The following NDUFAF6 variants were observed in gnomAD, a reference collection of about 807,000 sequenced individuals.
The protein encoded by NDUFAF6 is NADH dehydrogenase (ubiquinone) complex I, assembly factor 6.
In NDUFAF6, 45 loss-of-function variants were observed where a neutral mutation model predicts 40.8. The observed-to-expected ratio is 1.10, with a 90% CI of 0.87 to 1.42. The LOEUF (loss-of-function observed/expected upper bound fraction) is 1.42. NDUFAF6 is among the 40% of genes most tolerant of loss of function. The pLI is 0.00. For synonymous variants in NDUFAF6, 185 were observed against 155.9 expected, an observed-to-expected ratio of 1.19 and a Z score of -1.39; for missense variants, 435 against 418.5, an observed-to-expected ratio of 1.04 and a Z score of -0.34.
intron 2 of NDUFAF6, among the ~76,000 whole-genome samples, chr8:95,004,833 C>T (rs1245902760): frequency 6.6e-5 from 10 of 152,122 alleles, no homozygotes; most frequent in Admixed American, 6.5e-5. Context: ...CCACATGATC[C>T]ATCTGTTCTG....
Position 94,920,541 on chromosome 8 carries a change from TC to T in NDUFAF6, c.-936+24619del, listed in dbSNP as rs1012433875. On this transcript the variant is annotated intron_variant, in intron 1 of 14. Transcript: ENST00000396113. The stretch of plus-strand genomic sequence containing the variant: ...GAGCAGTGATTGCAGTCCCTGCATG[TC>T]CCCCACCCAGGGTGGTACATGAACC... 4.0e-4 allele frequency among the ~76,000 whole-genome samples: 61 copies of T among 152,294 alleles called. 1 individual carries two copies. The highest frequency in any genetic ancestry group is 1.4e-3 in the African/African-American group (59 of 41,572).
At chr8:94,940,768 T>G in intron 1 of NDUFAF6, 2 of 1,277,506 alleles carry the variant, frequency 1.6e-6, no homozygotes, top group Non-Finnish European at 2.2e-6. Flanking sequence ...ATGCAAAAAC[T>G]GAGATGCAAG....
At chr8:94,947,609 C>T (rs1045313900) in intron 2 of NDUFAF6, among the ~76,000 whole-genome samples, 26 of 152,348 alleles carry the variant, frequency 1.7e-4, no homozygotes, top group Admixed American at 1.4e-3. Flanking sequence ...GTTGTCTTTG[C>T]TTGTTCCACT....
At chr8:94,990,450 A>T (rs145129602) in intron 2 of NDUFAF6, among the ~76,000 whole-genome samples, 8 of 152,314 alleles carry the variant, frequency 5.3e-5, no homozygotes, top group African/African-American at 1.9e-4. Flanking sequence ...AAAGGAGAAT[A>T]ATTCTAGGGG....
At chr8:94,958,962 G>A (rs1823322394) in intron 1 of NDUFAF6, among the ~76,000 whole-genome samples, 1 of 152,182 alleles carries the variant, frequency 6.6e-6, no homozygotes, top group Admixed American at 6.5e-5. Context: ...AGATGTGAAT[G>A]GGAAGACAGG....
chr8:94,907,823 T>C (rs1361723093), intron 1 of NDUFAF6, among the ~76,000 whole-genome samples: 1 of 152,238 alleles, frequency 6.6e-6, no homozygotes, highest in Non-Finnish European at 1.5e-5. Flanking sequence ...CTTTTAGTCC[T>C]GTGACACATC....
intron 1 of NDUFAF6, among the ~76,000 whole-genome samples, chr8:94,977,399 A>G (rs1825051533): frequency 6.6e-6 from 1 of 151,542 alleles, no homozygotes; most frequent in Admixed American, 6.6e-5. Context: ...CTGTAGCCCT[A>G]GTACTCATAG....
At chr8:94,968,681 G>A (rs1243667990) in intron 1 of NDUFAF6, among the ~76,000 whole-genome samples, 3 of 152,200 alleles carry the variant, frequency 2.0e-5, no homozygotes, top group Admixed American at 6.5e-5. Flanking sequence ...CTGCACAGGG[G>A]TGTGATATCA....
chr8:94,941,084 C>T, intron 1 of NDUFAF6: 1 of 614,764 alleles, frequency 1.6e-6, no homozygotes, highest in East Asian at 2.8e-5. Flanking sequence ...CAAGAAGAGT[C>T]ATTGTACCTA....
chr8:94,912,636 A>C (rs570093451), intron 1 of NDUFAF6, among the ~76,000 whole-genome samples: 1 of 152,116 alleles, frequency 6.6e-6, no homozygotes, highest in South Asian at 2.1e-4. Flanking sequence ...CTCTACTAAA[A>C]AAAAAAAAGA....
At chr8:95,023,883 C>G (rs189806747), upstream of NDUFAF6, among the ~76,000 whole-genome samples, 1,801 of 151,700 alleles carry the variant, frequency 0.012, 42 homozygotes, top group African/African-American at 0.04. Flanking sequence ...CCCAGCTACT[C>G]GGGAGGCTGA....
chr8:95,036,172 A>G, intron 3 of NDUFAF6: 1 of 608,022 alleles, frequency 1.6e-6, no homozygotes, highest in Non-Finnish European at 2.4e-6. Flanking sequence ...AAATGGTTTT[A>G]TAGTAAAGCA....
intron 2 of NDUFAF6, among the ~76,000 whole-genome samples, chr8:95,008,935 G>A (rs550873091): frequency 3.3e-5 from 5 of 152,202 alleles, no homozygotes; most frequent in Non-Finnish European, 5.9e-5. Flanking sequence ...GGTGGCTCAC[G>A]CCTATAATCA....
rs138802810 is a variant in NDUFAF6 at position 95,028,489 on chromosome 8, T to C, written c.197+3284T>C. ...TTTAATGTGGTGAAGGGGGTAATAT[T>C]GTTTAGAAAAATTTCCATCCAAAAT... On this transcript the variant is annotated intron_variant, in intron 1 of 8. Transcript: ENST00000396124. 3.2e-4 allele frequency among the ~76,000 whole-genome samples: 48 copies of C among 152,360 alleles called. 2 individuals carry two copies. In the East Asian group the frequency reaches 8.3e-3, roughly 26 times the overall value.
Position 94,910,159 on chromosome 8 carries a change from G to T in NDUFAF6, c.-936+14232G>T, listed in dbSNP as rs562294397. On this transcript the variant is annotated intron_variant, in intron 1 of 14. Transcript: ENST00000396113. ...GAACTTTTTTTTGTTTGTTTTTTTGGTTTTTTTTTATTGGAGATGGAGTCG... is the reference window on the plus strand; with the variant it reads ...GAACTTTTTTTTGTTTGTTTTTTTGTTTTTTTTTTATTGGAGATGGAGTCG... Among the ~76,000 whole-genome samples, 353 of 150,882 alleles carry T rather than the reference G, an allele frequency of 2.3e-3. 1 individual carries two copies. The highest frequency in any genetic ancestry group is 7.2e-3 in the South Asian group (34 of 4,748).
intron 1 of NDUFAF6, among the ~76,000 whole-genome samples, chr8:95,026,175 A>G (rs886888797): frequency 6.6e-6 from 1 of 152,126 alleles, no homozygotes; most frequent in African/African-American, 2.4e-5. Flanking sequence ...AATCCCTTTT[A>G]AAAATTGTGG....
intron 8 of NDUFAF6, 94 bp downstream of exon 8, chr8:95,052,324 G>T: frequency 7.4e-7 from 1 of 1,349,504 alleles, no homozygotes; most frequent in South Asian, 1.2e-5. Flanking sequence ...AACTTCTTTA[G>T]TTCGGAGCCT....
At chr8:95,022,161 A>G (rs973347160), upstream of NDUFAF6, among the ~76,000 whole-genome samples, 1 of 152,182 alleles carries the variant, frequency 6.6e-6, no homozygotes, top group African/African-American at 2.4e-5. Context: ...AAAAATGTTT[A>G]TGAAGGTTCA....
At chr8:94,911,903 A>G (rs1031488037) in intron 1 of NDUFAF6, among the ~76,000 whole-genome samples, 4 of 152,232 alleles carry the variant, frequency 2.6e-5, no homozygotes, top group African/African-American at 9.6e-5. Context: ...CTCAAACACA[A>G]TAGCTCAAGA....
Sources: gnomAD v4.1 joint callset for allele counts (sites outside exome capture counted in the v4.1 genomes callset) on GRCh38, gnomAD v4.1.1 for gene constraint, MANE v1.5 for transcripts, NCBI Gene and HGNC (gene_info 2026-07-23, HGNC 2026-07-21) for gene names.